The following MAF variants were observed in gnomAD, a reference collection of about 807,000 sequenced individuals.
MAF encodes MAF bZIP transcription factor.
In MAF, 10 loss-of-function variants were observed where a neutral mutation model predicts 22.0. The observed-to-expected ratio is 0.45, with a 90% CI of 0.28 to 0.77. The LOEUF is 0.77. Among genes scored for constraint, MAF ranks in the 30% least tolerant of loss-of-function variants. MAF has a pLI of 0.12. For missense variants in MAF, 544 were observed against 548.4 expected, an observed-to-expected ratio of 0.99 and a Z score of 0.08; for synonymous variants, 337 against 255.8, an observed-to-expected ratio of 1.32 and a Z score of -3.03.
chr16:79,311,859 G>A, the MAF span, among the ~76,000 whole-genome samples: 1 of 152,124 alleles, frequency 6.6e-6, no homozygotes, highest in Non-Finnish European at 1.5e-5. Flanking sequence ...ACGCATCCCT[G>A]AGAACAAAAT....
At chr16:79,322,755 T>C in the MAF span, among the ~76,000 whole-genome samples, 1 of 151,776 alleles carries the variant, frequency 6.6e-6, no homozygotes, top group Non-Finnish European at 1.5e-5. Flanking sequence ...TATAAAGAGC[T>C]CAGAGGTGAG....
chr16:79,363,080 G>A, the MAF span, among the ~76,000 whole-genome samples: 1 of 152,018 alleles, frequency 6.6e-6, no homozygotes, highest in Admixed American at 6.6e-5. Flanking sequence ...TAAAAGGGGG[G>A]GAACATGCAG....
downstream of MAF, among the ~76,000 whole-genome samples, chr16:79,585,153 G>C (rs1180428542): frequency 6.6e-6 from 1 of 152,152 alleles, no homozygotes. Flanking sequence ...TAAGAATGTT[G>C]GTCTAGTTTT....
chr16:79,323,338 G>T, the MAF span, among the ~76,000 whole-genome samples: 3 of 151,778 alleles, frequency 2.0e-5, no homozygotes, highest in Non-Finnish European at 4.4e-5. Context: ...GAGGACCGTG[G>T]TTATGTCAGG....
the MAF span, among the ~76,000 whole-genome samples, chr16:79,455,342 C>G: frequency 2.3e-3 from 343 of 152,196 alleles, no homozygotes; most frequent in African/African-American, 7.9e-3. Context: ...AAAAACGATG[C>G]TCTTTGATTT....
the MAF span, among the ~76,000 whole-genome samples, chr16:79,569,764 G>C: frequency 1.3e-5 from 2 of 152,224 alleles, no homozygotes; most frequent in Non-Finnish European, 2.9e-5. Flanking sequence ...ATAGGCATTT[G>C]TATTTGAAAA....
chr16:79,548,582 T>C, the MAF span, among the ~76,000 whole-genome samples: 16 of 152,340 alleles, frequency 1.1e-4, no homozygotes, highest in African/African-American at 9.6e-5. Flanking sequence ...CATGGCTGCA[T>C]AGATGGCATT....
chr16:79,243,687 A>G, the MAF span, among the ~76,000 whole-genome samples: 1 of 152,068 alleles, frequency 6.6e-6, no homozygotes, highest in South Asian at 2.1e-4. Context: ...AACAACAGAA[A>G]AACAGGGAAT....
chr16:79,498,599 T>C, the MAF span, among the ~76,000 whole-genome samples: 2 of 152,260 alleles, frequency 1.3e-5, no homozygotes, highest in African/African-American at 2.4e-5. Context: ...CACCAGCTCC[T>C]TGAGATGGAG....
chr16:79,528,386 C>A, the MAF span, among the ~76,000 whole-genome samples: 188 of 152,292 alleles, frequency 1.2e-3, 5 homozygotes, highest in South Asian at 0.038. Flanking sequence ...CCCACACTAT[C>A]AACAGACACT....
At chr16:79,229,638 A>G in the MAF span, among the ~76,000 whole-genome samples, 4 of 151,948 alleles carry the variant, frequency 2.6e-5, no homozygotes, top group African/African-American at 9.7e-5. Context: ...AGGCGAACAG[A>G]CTCGTGGCGA....
chr16:79,592,095 A>T (rs750112481), downstream of MAF, among the ~76,000 whole-genome samples: 1 of 152,220 alleles, frequency 6.6e-6, no homozygotes, highest in Non-Finnish European at 1.5e-5. Context: ...CCGCTTTTAA[A>T]GTTCCCCTTT....
chr16:79,514,870 C>T, the MAF span, among the ~76,000 whole-genome samples: 2 of 152,180 alleles, frequency 1.3e-5, no homozygotes, highest in Non-Finnish European at 2.9e-5. Flanking sequence ...TCCAACAGAC[C>T]TCATGGTTGC....
At chr16:79,340,031 G>C in the MAF span, among the ~76,000 whole-genome samples, 1 of 152,216 alleles carries the variant, frequency 6.6e-6, no homozygotes, top group Admixed American at 6.5e-5. Flanking sequence ...TTGATGGACT[G>C]CAGCGTGGAA....
chr16:79,586,143 G>A (rs755260888), intron 1 of MAF, among the ~76,000 whole-genome samples: 24 of 152,268 alleles, frequency 1.6e-4, no homozygotes, highest in South Asian at 1.0e-3. Context: ...GGAAGGGAAT[G>A]GCCTGCGTTA....
the MAF span, among the ~76,000 whole-genome samples, chr16:79,428,250 C>T: frequency 6.6e-6 from 1 of 152,122 alleles, no homozygotes; most frequent in African/African-American, 2.4e-5. Context: ...GGGGGGTTCC[C>T]AGTCTCCCCT....
chr16:79,596,262 GA>G (rs143068169), intron 1 of MAF: 35,810 of 1,059,744 alleles, frequency 0.034, 714 homozygotes, highest in South Asian at 0.1. Context: ...ACTTTGGGGA[GA>G]AAAAAATGAG....
At chr16:79,240,016 T>C in the MAF span, among the ~76,000 whole-genome samples, 1 of 151,912 alleles carries the variant, frequency 6.6e-6, no homozygotes, top group Non-Finnish European at 1.5e-5. Context: ...AAATTATTAT[T>C]TTAAATGGGT....
chr16:79,252,902 C>A, the MAF span, among the ~76,000 whole-genome samples: 38 of 152,194 alleles, frequency 2.5e-4, no homozygotes, highest in African/African-American at 9.2e-4. Flanking sequence ...GTAAAATCTA[C>A]AAGCAGCAGG....
Sources: gnomAD v4.1 joint callset for allele counts (sites outside exome capture counted in the v4.1 genomes callset) on GRCh38, gnomAD v4.1.1 for gene constraint, MANE v1.5 for transcripts, NCBI Gene and HGNC (gene_info 2026-07-23, HGNC 2026-07-21) for gene names.